The following CSGALNACT1 variants were observed in gnomAD, a reference collection of about 807,000 sequenced individuals.
The protein encoded by CSGALNACT1 is chondroitin sulfate N-acetylgalactosaminyltransferase 1.
In CSGALNACT1, 52 loss-of-function variants were observed where a neutral mutation model predicts 51.0. The ratio of observed to expected loss-of-function variants is 1.02; its 90% CI spans 0.82 to 1.29. The LOEUF (loss-of-function observed/expected upper bound fraction) is 1.29, where lower values mean the gene tolerates loss of function less well. CSGALNACT1 is among the 50% of genes most tolerant of loss of function. CSGALNACT1 has a pLI of 0.00. For missense variants in CSGALNACT1, 935 were observed against 679.2 expected (o/e 1.38, Z -4.19); for synonymous variants, 341 against 254.4 (o/e 1.34, Z -3.24).
At chr8:19,670,921 G>A (rs2059754267) in intron 1 of CSGALNACT1, among the ~76,000 whole-genome samples, 1 of 152,106 alleles carries the variant, frequency 6.6e-6, no homozygotes, top group Non-Finnish European at 1.5e-5. Context: ...TACTCCACAA[G>A]TGCCATGGGG....
intron 3 of CSGALNACT1, among the ~76,000 whole-genome samples, chr8:19,537,614 G>A (rs1214629819): frequency 6.6e-6 from 1 of 152,162 alleles, no homozygotes; most frequent in Non-Finnish European, 1.5e-5. Flanking sequence ...AAGCCTGCAG[G>A]CTGCAACCCT....
chr8:19,662,064 A>ACC (rs1281131821), intron 1 of CSGALNACT1, among the ~76,000 whole-genome samples: 45 of 37,110 alleles, frequency 1.2e-3, no homozygotes, highest in African/African-American at 1.9e-3. Flanking sequence ...AGTTGCCCCC[A>ACC]CCCCCCCCCA....
chr8:19,475,601 G>C (rs1483465954), intron 4 of CSGALNACT1, among the ~76,000 whole-genome samples: 2 of 152,056 alleles, frequency 1.3e-5, no homozygotes, highest in African/African-American at 4.8e-5. Flanking sequence ...GATCACCAAG[G>C]GAAGATAATG....
chr8:19,740,780 G>A (rs972721538), intron 1 of CSGALNACT1, among the ~76,000 whole-genome samples: 9 of 152,092 alleles, frequency 5.9e-5, no homozygotes, highest in Admixed American at 5.9e-4. Context: ...GGGAGTGGGA[G>A]GTAGGAAGGA....
intron 3 of CSGALNACT1, among the ~76,000 whole-genome samples, chr8:19,516,243 T>A (rs1441532010): frequency 6.6e-6 from 1 of 152,138 alleles, no homozygotes. Context: ...ATTAACCCCA[T>A]TAAAGAAACA....
exon 4 of CSGALNACT1, chr8:19,505,860 C>T (rs1205820008): frequency 1.9e-6 from 3 of 1,604,772 alleles, no homozygotes; most frequent in Admixed American, 3.3e-5. Flanking sequence ...GCGTCCAGAA[C>T]CGGTGGCATC....
chr8:19,652,951 A>T (rs1350460715), intron 1 of CSGALNACT1, among the ~76,000 whole-genome samples: 1 of 152,064 alleles, frequency 6.6e-6, no homozygotes, highest in Non-Finnish European at 1.5e-5. Context: ...TCTACCCTCA[A>T]ATTTTCCAGT....
chr8:19,421,161 G>A (rs2057859125), intron 6 of CSGALNACT1, among the ~76,000 whole-genome samples: 1 of 152,176 alleles, frequency 6.6e-6, no homozygotes, highest in Non-Finnish European at 1.5e-5. Context: ...AACCTCAGTT[G>A]CCTCATCTGC....
At chr8:19,562,794 C>A (rs2041064905) in intron 3 of CSGALNACT1, among the ~76,000 whole-genome samples, 1 of 152,110 alleles carries the variant, frequency 6.6e-6, no homozygotes, top group Non-Finnish European at 1.5e-5. Context: ...ACTGGCAAGG[C>A]TTTGGAGAAA....
intron 1 of CSGALNACT1, among the ~76,000 whole-genome samples, chr8:19,671,508 T>A (rs1029465070): frequency 1.3e-5 from 2 of 152,200 alleles, no homozygotes; most frequent in Admixed American, 6.5e-5. Flanking sequence ...ACTCATTTAT[T>A]CACCAAGTAC....
chr8:19,612,715 G>T (rs913347642), intron 1 of CSGALNACT1, among the ~76,000 whole-genome samples: 7 of 151,786 alleles, frequency 4.6e-5, no homozygotes, highest in African/African-American at 9.7e-5. Flanking sequence ...CCTACTACAT[G>T]GTGGCTAAAG....
At chr8:19,638,024 G>A (rs2056301759) in intron 1 of CSGALNACT1, among the ~76,000 whole-genome samples, 3 of 152,124 alleles carry the variant, frequency 2.0e-5, no homozygotes, top group South Asian at 2.1e-4. Context: ...ACTGGCTTTT[G>A]TCAACTGATA....
At chr8:19,476,189 A>G (rs1044108851) in intron 4 of CSGALNACT1, among the ~76,000 whole-genome samples, 1 of 152,154 alleles carries the variant, frequency 6.6e-6, no homozygotes, top group Non-Finnish European at 1.5e-5. Context: ...AACTTGGCCT[A>G]TAGGAATAGA....
intron 1 of CSGALNACT1, among the ~76,000 whole-genome samples, chr8:19,740,788 G>A (rs2064263738): frequency 1.3e-5 from 2 of 152,162 alleles, no homozygotes; most frequent in South Asian, 4.1e-4. Flanking sequence ...GAGGTAGGAA[G>A]GAAATATGAC....
At chr8:19,557,375 T>G (rs749090554) in intron 3 of CSGALNACT1, among the ~76,000 whole-genome samples, 4 of 152,122 alleles carry the variant, frequency 2.6e-5, no homozygotes, top group Non-Finnish European at 5.9e-5. Context: ...AAAACTAAAG[T>G]CAGATTTTGT....
intron 1 of CSGALNACT1, among the ~76,000 whole-genome samples, chr8:19,610,482 A>G (rs1221066659): frequency 2.0e-5 from 3 of 151,986 alleles, no homozygotes; most frequent in Non-Finnish European, 4.4e-5. Context: ...AAAACTCCCG[A>G]GACCCCAGCA....
intron 1 of CSGALNACT1, among the ~76,000 whole-genome samples, chr8:19,654,565 G>C (rs1348794251): frequency 6.6e-6 from 1 of 152,124 alleles, no homozygotes; most frequent in Non-Finnish European, 1.5e-5. Flanking sequence ...TTATTTTTGA[G>C]AGGGGGTTTT....
intron 1 of CSGALNACT1, among the ~76,000 whole-genome samples, chr8:19,649,279 A>C (rs1021881237): frequency 2.6e-5 from 4 of 151,840 alleles, no homozygotes; most frequent in Non-Finnish European, 5.9e-5. Context: ...TGTAGATATT[A>C]GCTATGAAAG....
At chr8:19,662,508 G>T (rs2058848906) in intron 1 of CSGALNACT1, among the ~76,000 whole-genome samples, 1 of 152,160 alleles carries the variant, frequency 6.6e-6, no homozygotes, top group Admixed American at 6.5e-5. Flanking sequence ...GGGTGAAAAA[G>T]GTTCACATCA....
Sources: gnomAD v4.1 joint callset for allele counts (sites outside exome capture counted in the v4.1 genomes callset) on GRCh38, gnomAD v4.1.1 for gene constraint, MANE v1.5 for transcripts, NCBI Gene and HGNC (gene_info 2026-07-23, HGNC 2026-07-21) for gene names.